Variants in MREG observed in about 807,000 individuals in gnomAD.
The protein encoded by MREG is melanoregulin.
A neutral mutation model predicts 28.5 loss-of-function variants in MREG; 31 were observed. That is an observed-to-expected ratio of 1.09 (90% CI 0.82 to 1.47). The LOEUF is 1.47. Among genes scored for constraint, MREG ranks in the 40% most tolerant of loss-of-function variants. MREG has a pLI of 0.00. For synonymous variants in MREG, 106 were observed against 95.2 expected (o/e 1.11, Z -0.66); for missense variants, 256 against 257.4 (o/e 0.99, Z 0.04).
At chr2:215,984,518 CAAAAAA>C (rs375220091) in intron 2 of MREG, among the ~76,000 whole-genome samples, 1 of 68,036 alleles carries the variant, frequency 1.5e-5, no homozygotes, top group Admixed American at 1.8e-4. Context: ...ACCTTGTCAC[CAAAAAA>C]AAAAAAAAAA....
chr2:215,964,868 T>C (rs917055248), intron 2 of MREG, among the ~76,000 whole-genome samples: 2 of 112,632 alleles, frequency 1.8e-5, no homozygotes, highest in African/African-American at 3.4e-5. Context: ...GATAGATAGA[T>C]AGATAGATAG....
At chr2:215,940,570 A>C (rs1415027324), downstream of MREG, among the ~76,000 whole-genome samples, 2 of 152,252 alleles carry the variant, frequency 1.3e-5, no homozygotes, top group African/African-American at 2.4e-5. Flanking sequence ...CACTAAAGAA[A>C]GGACACTTGA....
chr2:215,982,579 T>C (rs547831081), intron 2 of MREG, among the ~76,000 whole-genome samples: 3 of 152,224 alleles, frequency 2.0e-5, no homozygotes, highest in African/African-American at 7.2e-5. Context: ...ATGACTCAGT[T>C]GACACAGGGT....
At chr2:216,020,612 T>G (rs934351493) in intron 1 of MREG, among the ~76,000 whole-genome samples, 2 of 151,834 alleles carry the variant, frequency 1.3e-5, no homozygotes, top group Admixed American at 1.3e-4. Context: ...GGGCTAAGAG[T>G]GGGAAAGTTG....
chr2:215,979,045 G>C lies in MREG; in HGVS notation c.255+17261C>G, dbSNP rs147535894. ...AAAGCATGCCCTGTGTATGACAATA[G>C]CCTAGATGTCTTTGAAATAACAATC... On this transcript the variant is annotated intron_variant, in intron 2 of 4. Transcript: ENST00000263268. 2.6e-3 allele frequency among the ~76,000 whole-genome samples: 400 copies of C among 152,300 alleles called. 3 individuals carry two copies. Among genetic ancestry groups the C allele is most frequent in the African/African-American group, 9.3e-3 (386 of 41,560 alleles).
intron 2 of MREG, among the ~76,000 whole-genome samples, chr2:215,995,827 A>T (rs3770549): frequency 0.35 from 52,824 of 151,856 alleles, 9,552 homozygotes; most frequent in African/African-American, 0.46. Context: ...ATCTCAAATA[A>T]ATAGTGGATC....
chr2:215,992,755 T>A (rs1335485705), intron 2 of MREG, among the ~76,000 whole-genome samples: 2 of 152,132 alleles, frequency 1.3e-5, no homozygotes, highest in Non-Finnish European at 2.9e-5. Flanking sequence ...TCACAAGCAT[T>A]CCTGTACACC....
Position 216,027,982 on chromosome 2 carries a change from T to A in MREG, c.-68+4807A>T, listed in dbSNP as rs534146399. On this transcript the variant is annotated intron_variant, in intron 1 of 3. Coordinates refer to the MREG transcript ENST00000420348. ...AAAACTTGAAATTTTAATGTTTAAT[T>A]CTCAACATTATAGTTTTCTGATTTT... 2.5e-3 allele frequency among the ~76,000 whole-genome samples: 376 copies of A among 152,338 alleles called. 1 individual carries two copies. Among genetic ancestry groups the A allele is most frequent in the Non-Finnish European group, 4.0e-3 (274 of 68,036 alleles).
At chr2:216,033,843 G>A (rs147577533), upstream of MREG, 1 of 152,220 alleles carries the variant, frequency 6.6e-6, no homozygotes, top group Admixed American at 6.5e-5. Context: ...AACCCACAGA[G>A]GGCCTTGGTT....
chr2:215,968,911 AC>A (rs1693015177), intron 2 of MREG, among the ~76,000 whole-genome samples: 1 of 152,094 alleles, frequency 6.6e-6, no homozygotes, highest in Non-Finnish European at 1.5e-5. Context: ...GCACACCACC[AC>A]GCCTGGCTAA....
At chr2:216,020,312 C>G (rs1694502357) in intron 1 of MREG, among the ~76,000 whole-genome samples, 1 of 152,126 alleles carries the variant, frequency 6.6e-6, no homozygotes. Flanking sequence ...GGATCCAGGC[C>G]CTCCAAAGAT....
At position 215,943,563 on chromosome 2, in the gene MREG, C is replaced by T; in HGVS notation, c.*1300G>A. 2.2e-6 allele frequency: 1 copy of T among 452,022 alleles called. No homozygotes were observed. The highest frequency in any genetic ancestry group is 1.6e-5 in the South Asian group (1 of 63,868). The allele number at this position is 452,022 out of a possible 1,614,324, so 28.0% of individuals were successfully genotyped here. ...CCAGATAAAATGCCAAGGGCTTGGC[C>T]GGGCGCGGTGACTCACGCCTGTAAT... On this transcript the variant is annotated 3_prime_UTR_variant, in exon 5 of 5. Transcript: ENST00000263268.
At position 215,972,944 on chromosome 2, in the gene MREG, T is replaced by C. The variant is rs1007885053; in HGVS notation, c.255+23362A>G. ...CTCCTAATACCTGCTTTTTAACAAT[T>C]CCCAGGTGAGCTAAGCCTAGGTAGA... On this transcript the variant is annotated intron_variant, in intron 2 of 4. Coordinates refer to ENST00000263268, the MANE Select transcript of MREG (RefSeq NM_018000.3). 3.9e-5 allele frequency among the ~76,000 whole-genome samples: 6 copies of C among 152,002 alleles called. No homozygotes were observed. The East Asian group carries it at 1.2e-3, about 29-fold the overall frequency.
chr2:215,970,815 G>A (rs1693070014), intron 2 of MREG, among the ~76,000 whole-genome samples: 1 of 152,216 alleles, frequency 6.6e-6, no homozygotes, highest in African/African-American at 2.4e-5. Flanking sequence ...GATGATCACA[G>A]CTTCAGCTGC....
chr2:215,968,741 A>C (rs1425738063), intron 2 of MREG, among the ~76,000 whole-genome samples: 1 of 152,148 alleles, frequency 6.6e-6, no homozygotes, highest in Non-Finnish European at 1.5e-5. Flanking sequence ...TTTGCTAAAC[A>C]TAATTAATCT....
downstream of MREG, among the ~76,000 whole-genome samples, chr2:215,940,060 G>A (rs1032039132): frequency 7.9e-5 from 12 of 152,038 alleles, no homozygotes; most frequent in Non-Finnish European, 7.4e-5. Flanking sequence ...AAATAAATCC[G>A]CTATAGCTAA....
At chr2:215,986,806 T>C (rs1272785732) in intron 2 of MREG, among the ~76,000 whole-genome samples, 1 of 152,216 alleles carries the variant, frequency 6.6e-6, no homozygotes. Context: ...CATGAGGAAC[T>C]GTGAATCAAT....
At chr2:215,940,968 A>T (rs56180521), downstream of MREG, among the ~76,000 whole-genome samples, 1,546 of 152,308 alleles carry the variant, frequency 0.01, 10 homozygotes, top group Non-Finnish European at 0.018. Context: ...GCCACAAACC[A>T]TGTAGCTGAC....
At chr2:215,950,240 C>T (rs1692448497) in intron 2 of MREG, among the ~76,000 whole-genome samples, 1 of 152,232 alleles carries the variant, frequency 6.6e-6, no homozygotes, top group Non-Finnish European at 1.5e-5. Context: ...GTTCTAAATG[C>T]AGCCAAATCT....
Sources: allele counts gnomAD v4.1 joint callset (sites outside exome capture counted in the v4.1 genomes callset), GRCh38; gene constraint gnomAD v4.1.1; transcripts MANE v1.5; gene names NCBI Gene and HGNC (gene_info 2026-07-23, HGNC 2026-07-21).